The following HACE1 variants were observed in gnomAD, a reference collection of about 807,000 sequenced individuals.
HACE1 encodes HECT domain and ankyrin repeat containing E3 ubiquitin protein ligase 1, also known as E3 ubiquitin-protein ligase HACE1.
In HACE1, 73 loss-of-function variants were observed where a neutral mutation model predicts 118.4. The observed-to-expected ratio is 0.62, with a 90% CI of 0.51 to 0.75. The LOEUF is 0.75. HACE1 is among the 30% of genes least tolerant of loss of function. The pLI is 0.00. For missense variants in HACE1, 749 were observed against 1,102.2 expected, an observed-to-expected ratio of 0.68 and a Z score of 4.54; for synonymous variants, 368 against 374.8, an observed-to-expected ratio of 0.98 and a Z score of 0.21.
At chr6:104,818,172 C>A (rs1772310975) in intron 6 of HACE1, among the ~76,000 whole-genome samples, 1 of 152,064 alleles carries the variant, frequency 6.6e-6, no homozygotes, top group Admixed American at 6.5e-5. Flanking sequence ...ATATTATAAT[C>A]TATGTAATTC....
chr6:104,742,198 CATAA>C (rs1467390919), intron 22 of HACE1, among the ~76,000 whole-genome samples: 5 of 131,356 alleles, frequency 3.8e-5, no homozygotes, highest in Non-Finnish European at 7.9e-5. Context: ...GACCTAAAAC[CATAA>C]AAACACTAGA....
In HACE1 at chr6:104,796,923, A is replaced by C. The variant is rs762927963; in HGVS notation, c.714+6T>G. Reference sequence around the variant, plus strand: ...AAGGGGCTCAGAATATAAATGAAAAACACACCTGTACACATAAATCCAGAG... The same window carrying C: ...AAGGGGCTCAGAATATAAATGAAAACCACACCTGTACACATAAATCCAGAG... On this transcript the variant is annotated splice_donor_region_variant and intron_variant, in intron 8 of 23. Coordinates refer to ENST00000262903, the MANE Select transcript of HACE1 (RefSeq NM_020771.4). The C allele has an allele frequency of 4.7e-6, 7 of 1,480,434 alleles. No homozygotes were observed. The highest frequency in any genetic ancestry group is 2.8e-6 in the Non-Finnish European group (3 of 1,058,338). The allele number at this position is 1,480,434 out of a possible 1,614,324, so 91.7% of individuals were successfully genotyped here.
chr6:104,801,429 G>A (rs1770337567), intron 7 of HACE1, among the ~76,000 whole-genome samples: 1 of 152,150 alleles, frequency 6.6e-6, no homozygotes, highest in African/African-American at 2.4e-5. Flanking sequence ...ATTTATCAAG[G>A]TTGAAATGAA....
chr6:104,850,480 G>T (rs1203909793), intron 3 of HACE1, among the ~76,000 whole-genome samples: 1 of 152,082 alleles, frequency 6.6e-6, no homozygotes, highest in African/African-American at 2.4e-5. Flanking sequence ...AAGAGGATAG[G>T]TACCAATTAG....
At chr6:104,837,385 G>T (rs1374915913) in intron 5 of HACE1, among the ~76,000 whole-genome samples, 1 of 152,178 alleles carries the variant, frequency 6.6e-6, no homozygotes, top group Non-Finnish European at 1.5e-5. Flanking sequence ...GCAAATTCAT[G>T]TAGGAAGGAC....
At position 104,797,017 on chromosome 6, in the gene HACE1, T is replaced by C. The variant is rs1293635258; in HGVS notation, c.626A>G (p.Gln209Arg). Residue 209 changes from glutamine to arginine, a missense_variant, in exon 8 of 24, where the codon CAG becomes CGG. Transcript: ENST00000262903. ...TAGTAGGATCTGTGCTGTATCTCTC[T>C]GACCATGACTGTGTGGAAATAGAAA... The part of the protein sequence containing the change: ...TPLYFACSHG[Q>R]RDTAQILLLR... The C allele has an allele frequency of 1.3e-6, 2 of 1,566,898 alleles. No homozygotes were observed. Among genetic ancestry groups the C allele is most frequent in the East Asian group, 2.2e-5 (1 of 44,540 alleles).
intron 19 of HACE1, among the ~76,000 whole-genome samples, chr6:104,766,572 A>AGCTAGC (rs1026181548): frequency 6.6e-6 from 1 of 152,230 alleles, no homozygotes; most frequent in Non-Finnish European, 1.5e-5. Flanking sequence ...AATCATGCAA[A>AGCTAGC]GCTAGCACTA....
intron 6 of HACE1, among the ~76,000 whole-genome samples, chr6:104,815,845 G>C (rs1178407678): frequency 1.1e-5 from 1 of 90,492 alleles, no homozygotes; most frequent in Admixed American, 1.0e-4. Context: ...GGCTGAGGCG[G>C]GCAGATCACC....
At chr6:104,771,481 A>G in intron 18 of HACE1, 92 bp from the exon 19 acceptor site, 2 of 757,240 alleles carry the variant, frequency 2.6e-6, no homozygotes. Context: ...GATATTCTGA[A>G]AAACTGCAAA....
At chr6:104,855,893 A>G (rs1160974131) in intron 1 of HACE1, among the ~76,000 whole-genome samples, 1 of 152,244 alleles carries the variant, frequency 6.6e-6, no homozygotes, top group African/African-American at 2.4e-5. Flanking sequence ...AAGGTTCACA[A>G]TGGTTGTACT....
rs1014385066 is a variant in HACE1 at position 104,796,559 on chromosome 6, G to A, written c.816+96C>T. On this transcript the variant is annotated intron_variant, in intron 9 of 23. Coordinates refer to ENST00000262903, the MANE Select transcript of HACE1 (RefSeq NM_020771.4). ...ATTATTAAGATATTTGTGACAATAA[G>A]CAAAATTACTAAGCTAAGCACATTT... The A allele has an allele frequency of 1.6e-5, 12 of 728,354 alleles. No individual in the cohort carries two copies. The East Asian group carries it at 2.9e-4, about 18-fold the overall frequency. The allele number at this position is 728,354 out of a possible 1,614,324, so 45.1% of individuals were successfully genotyped here. A position where few individuals can be genotyped will look rare whatever the true frequency, so the allele number is the denominator to read the frequency against.
intron 4 of HACE1, among the ~76,000 whole-genome samples, chr6:104,844,319 G>A (rs1775418458): frequency 6.7e-6 from 1 of 150,292 alleles, no homozygotes; most frequent in South Asian, 2.1e-4. Context: ...ACAGGCGTGA[G>A]TCACCACGGT....
intron 6 of HACE1, among the ~76,000 whole-genome samples, chr6:104,820,181 T>C (rs4946643): frequency 1 from 144,353 of 144,750 alleles, 71,978 homozygotes; most frequent in Middle Eastern, 1. Flanking sequence ...GGCAACAGAG[T>C]GAGACTCCGT....
At position 104,771,241 on chromosome 6, in the gene HACE1, C is replaced by T; in HGVS notation, c.2163G>A (p.Val721=). 6.2e-7 allele frequency: 1 copy of T among 1,613,732 alleles called. No homozygotes were observed. The highest frequency in any genetic ancestry group is 1.3e-5 in the African/African-American group (1 of 75,032). Residue 721 remains valine, a synonymous_variant, in exon 19 of 24, where the codon GTG becomes GTA. Coordinates refer to ENST00000262903, the MANE Select transcript of HACE1 (RefSeq NM_020771.4). ...ETDVFGAMEE[V]PLKPGGGSIL... Reference sequence around the variant, plus strand: ...TACTCCCACCCCCAGGTTTCAAAGGCACCTCTTCCATTGCTCCAAACACAT... The same window carrying T: ...TACTCCCACCCCCAGGTTTCAAAGGTACCTCTTCCATTGCTCCAAACACAT...
chr6:104,822,967 T>A (rs1207577393), intron 6 of HACE1, among the ~76,000 whole-genome samples: 4 of 152,244 alleles, frequency 2.6e-5, no homozygotes, highest in Non-Finnish European at 5.9e-5. Context: ...TCCTCTACTG[T>A]TCTCATCAAA....
At chr6:104,788,144 A>G (rs536364923) in intron 11 of HACE1, among the ~76,000 whole-genome samples, 112 of 152,282 alleles carry the variant, frequency 7.4e-4, no homozygotes, top group Admixed American at 1.4e-3. Context: ...TAAAATTAAA[A>G]ATAAACCATT....
intron 4 of HACE1, among the ~76,000 whole-genome samples, chr6:104,843,764 C>T (rs759832046): frequency 3.3e-5 from 5 of 151,860 alleles, no homozygotes; most frequent in Non-Finnish European, 7.4e-5. Context: ...AAATGCATGT[C>T]TATGCATCCC....
At chr6:104,744,042 G>A in intron 22 of HACE1, 118 bp downstream of exon 22, 1 of 717,082 alleles carries the variant, frequency 1.4e-6, no homozygotes, top group Non-Finnish European at 2.5e-6. Context: ...TAAAACAGTG[G>A]AAAGGGTGGT....
intron 22 of HACE1, among the ~76,000 whole-genome samples, chr6:104,734,990 A>G (rs996468748): frequency 5.9e-5 from 9 of 152,168 alleles, no homozygotes; most frequent in African/African-American, 1.9e-4. Flanking sequence ...ATGGTTTAAA[A>G]ATTGGAATGT....
Sources: gnomAD v4.1 joint callset for allele counts (sites outside exome capture counted in the v4.1 genomes callset) on GRCh38, gnomAD v4.1.1 for gene constraint, MANE v1.5 for transcripts, NCBI Gene and HGNC (gene_info 2026-07-23, HGNC 2026-07-21) for gene names.